RIMS1: variants seen among roughly 807,000 people sequenced by gnomAD.
The protein encoded by RIMS1 is regulating synaptic membrane exocytosis 1, also known as regulating synaptic membrane exocytosis protein 1.
RIMS1 carries 83 observed loss-of-function variants against 214.1 expected under a neutral mutation model. That is an observed-to-expected ratio of 0.39 (90% CI 0.32 to 0.47). The LOEUF is 0.47. Among genes scored for constraint, RIMS1 ranks in the 20% least tolerant of loss-of-function variants. RIMS1 has a pLI of 0.99. For synonymous variants in RIMS1, 793 were observed against 786.8 expected (o/e 1.01, Z -0.13); for missense variants, 2,050 against 2,161.8 (o/e 0.95, Z 1.03).
intron 23 of RIMS1, among the ~76,000 whole-genome samples, chr6:72,277,455 G>C (rs1315858380): frequency 6.6e-6 from 1 of 152,002 alleles, no homozygotes; most frequent in East Asian, 1.9e-4. Flanking sequence ...GGTGGCAGGC[G>C]CCTGTAGTCC....
intron 29 of RIMS1, among the ~76,000 whole-genome samples, chr6:72,348,158 T>G (rs997960555): frequency 4.6e-5 from 7 of 151,936 alleles, no homozygotes; most frequent in Non-Finnish European, 7.4e-5. Context: ...GGTTTGTTAT[T>G]CTTAGGAAAT....
chr6:71,900,023 A>G (rs1234500651), intron 1 of RIMS1, among the ~76,000 whole-genome samples: 3 of 152,136 alleles, frequency 2.0e-5, no homozygotes, highest in Non-Finnish European at 4.4e-5. Flanking sequence ...ATTAAAATCT[A>G]TGATAAAGGC....
chr6:72,186,961 T>G (rs1262499005), intron 6 of RIMS1, among the ~76,000 whole-genome samples: 1 of 152,086 alleles, frequency 6.6e-6, no homozygotes. Flanking sequence ...TGAAACCCCA[T>G]CTCTACTAAA....
intron 2 of RIMS1, among the ~76,000 whole-genome samples, chr6:71,993,978 G>C (rs1014815078): frequency 2.0e-5 from 3 of 152,106 alleles, no homozygotes; most frequent in Non-Finnish European, 4.4e-5. Context: ...TATTCTCACT[G>C]TGATTTTTTG....
At chr6:72,195,114 A>G (rs1022100693) in intron 6 of RIMS1, among the ~76,000 whole-genome samples, 14 of 152,328 alleles carry the variant, frequency 9.2e-5, no homozygotes, top group African/African-American at 2.9e-4. Flanking sequence ...TCTTGATCCA[A>G]GGGAAAGCCA....
At chr6:72,276,681 TATAGAGA>T (rs1455441170) in intron 23 of RIMS1, among the ~76,000 whole-genome samples, 1 of 152,176 alleles carries the variant, frequency 6.6e-6, no homozygotes, top group Non-Finnish European at 1.5e-5. Flanking sequence ...TATTTATTAC[TATAGAGA>T]ATAGAGAATT....
chr6:72,057,300 A>T (rs1562219661), intron 2 of RIMS1, among the ~76,000 whole-genome samples: 1 of 152,154 alleles, frequency 6.6e-6, no homozygotes, highest in East Asian at 1.9e-4. Flanking sequence ...ACATACGACA[A>T]ATACAGGAGA....
At chr6:72,293,234 C>T (rs1272751148) in intron 26 of RIMS1, among the ~76,000 whole-genome samples, 1 of 151,878 alleles carries the variant, frequency 6.6e-6, no homozygotes, top group Non-Finnish European at 1.5e-5. Flanking sequence ...CTTTAGTTTT[C>T]AGGGTTGCTA....
At chr6:72,343,503 TTTTTTTTTTTTTTG>T (rs1159303481) in intron 29 of RIMS1, among the ~76,000 whole-genome samples, 5 of 132,084 alleles carry the variant, frequency 3.8e-5, no homozygotes, top group East Asian at 4.1e-4. Context: ...TTTTTTTTTT[TTTTTTTTTTTTTTG>T]TGTGTGTGGT....
rs138734519 is a variant in RIMS1 at position 71,952,303 on chromosome 6, A to G, written c.165-16680A>G. 7.2e-5 allele frequency among the ~76,000 whole-genome samples: 11 copies of G among 152,294 alleles called. No homozygotes were observed. The East Asian group carries it at 2.1e-3, about 29-fold the overall frequency. ...GACCTGCTAAATATAGTCATTATCT[A>G]TATTGAAAAAAAAGTTCCAGTATGT... On this transcript the variant is annotated intron_variant, in intron 1 of 33. Coordinates refer to ENST00000521978, the MANE Select transcript of RIMS1 (RefSeq NM_014989.7).
At chr6:72,010,231 C>A (rs1239043483) in intron 2 of RIMS1, among the ~76,000 whole-genome samples, 1 of 152,140 alleles carries the variant, frequency 6.6e-6, no homozygotes, top group African/African-American at 2.4e-5. Flanking sequence ...AAAAAAAACA[C>A]ATGATTATCT....
intron 26 of RIMS1, among the ~76,000 whole-genome samples, chr6:72,297,195 G>A (rs1563728260): frequency 1.3e-5 from 2 of 151,604 alleles, no homozygotes; most frequent in Non-Finnish European, 2.9e-5. Context: ...AAGATGTTTT[G>A]GCCATAGATT....
At chr6:72,221,291 A>AGAGTGTGTGTGTGT (rs1554289629) in intron 6 of RIMS1, among the ~76,000 whole-genome samples, 2 of 138,584 alleles carry the variant, frequency 1.4e-5, no homozygotes, top group African/African-American at 5.3e-5. Flanking sequence ...ATCTGGGGTG[A>AGAGTGTGTGTGTGT]GTGTGTGTGT....
At chr6:72,154,240 G>C (rs1488647356) in intron 4 of RIMS1, among the ~76,000 whole-genome samples, 1 of 141,806 alleles carries the variant, frequency 7.1e-6, no homozygotes, top group East Asian at 2.0e-4. Context: ...TTTATCTTTT[G>C]CTTGAGGTTT....
intron 28 of RIMS1, among the ~76,000 whole-genome samples, chr6:72,333,260 T>C (rs2154341569): frequency 6.6e-6 from 1 of 152,096 alleles, no homozygotes. Context: ...TGAAATATTT[T>C]AGTTTTTCTC....
At chr6:72,181,682 AAG>A (rs1415517549) in intron 5 of RIMS1, among the ~76,000 whole-genome samples, 3 of 152,234 alleles carry the variant, frequency 2.0e-5, no homozygotes, top group African/African-American at 7.2e-5. Context: ...CAGAAGCAGG[AAG>A]AGAGGTGGCC....
At chr6:72,308,615 T>A (rs186006951) in intron 27 of RIMS1, among the ~76,000 whole-genome samples, 3 of 152,264 alleles carry the variant, frequency 2.0e-5, no homozygotes, top group Non-Finnish European at 4.4e-5. Context: ...AAAATACGAT[T>A]TATCACCAAG....
chr6:72,159,390 T>G lies in RIMS1; in HGVS notation c.472-20185T>G, dbSNP rs1215309007. ...GTTTCTTTTGCTGTGCAGAAGCTCT[T>G]TAGTTAGATCCCATTTGTCAATTTT... On this transcript the variant is annotated intron_variant, in intron 4 of 33. Coordinates refer to ENST00000521978, the MANE Select transcript of RIMS1 (RefSeq NM_014989.7). Among the ~76,000 whole-genome samples, 2 of 140,994 alleles carry G rather than the reference T, an allele frequency of 1.4e-5. 1 individual carries two copies. The highest frequency in any genetic ancestry group is 3.2e-5 in the Non-Finnish European group (2 of 62,042). 92.5% of individuals were successfully genotyped at this position (140,994 alleles called of 152,430 possible).
Position 72,183,036 on chromosome 6 carries a change from G to A in RIMS1, c.1565G>A (p.Gly522Asp). Residue 522 changes from glycine to aspartate, a missense_variant, in exon 6 of 34, where the codon GGC (glycine) becomes GAC (aspartate). Around this residue, in one of 6 missense-constraint regions of RIMS1, gnomAD observed 882 missense variants for 828.9 expected, o/e 1.06. Transcript: ENST00000521978. ...SPPKPHRSKR[G>D]GKKRQMSVSS... ...CCCAAGCCGCACCGGTCCAAGAGAG[G>A]CGGCAAGAAGCGGCAGATGTCGGTG... is the stretch of plus-strand genomic sequence containing the variant. The A allele has an allele frequency of 8.8e-6, 14 of 1,598,906 alleles. No individual in the cohort carries two copies. The highest frequency in any genetic ancestry group is 1.2e-5 in the Non-Finnish European group (14 of 1,173,618).
Sources: allele counts gnomAD v4.1 joint callset (sites outside exome capture counted in the v4.1 genomes callset), GRCh38; gene constraint gnomAD v4.1.1; regional missense constraint gnomAD v4.1.1; transcripts MANE v1.5; gene names NCBI Gene and HGNC (gene_info 2026-07-23, HGNC 2026-07-21).